Variants in PTPRD observed in about 807,000 individuals in gnomAD.
PTPRD encodes protein tyrosine phosphatase receptor type D.
Under a neutral mutation model 214.5 loss-of-function variants are expected in PTPRD, and 34 were observed. The observed-to-expected ratio is 0.16, with a 90% confidence interval of 0.12 to 0.21. PTPRD has a LOEUF of 0.21. Among genes scored for constraint, PTPRD ranks in the 10% least tolerant of loss-of-function variants. PTPRD has a pLI of 1.00. For synonymous variants in PTPRD, 1,128 were observed against 845.7 expected, an observed-to-expected ratio of 1.33 and a Z score of -5.79; for missense variants, 2,545 against 2,398.7, an observed-to-expected ratio of 1.06 and a Z score of -1.27.
chr9:10,064,020 G>T (rs936694958), intron 3 of PTPRD, among the ~76,000 whole-genome samples: 1 of 148,330 alleles, frequency 6.7e-6, no homozygotes, highest in Non-Finnish European at 1.5e-5. Flanking sequence ...TATATTTTCT[G>T]TTTTTTTTTC....
At chr9:10,165,726 G>A (rs1413432036) in intron 3 of PTPRD, among the ~76,000 whole-genome samples, 1 of 151,282 alleles carries the variant, frequency 6.6e-6, no homozygotes, top group Non-Finnish European at 1.5e-5. Context: ...TTATTACAGA[G>A]CCAAACATTT....
At chr9:8,337,022 C>G (rs372950729) in intron 43 of PTPRD, among the ~76,000 whole-genome samples, 141 of 148,024 alleles carry the variant, frequency 9.5e-4, no homozygotes, top group East Asian at 5.0e-3. Context: ...AGTTAAACCA[C>G]TGTGGAAGAC....
At chr9:8,787,290 T>C (rs749755128) in intron 11 of PTPRD, among the ~76,000 whole-genome samples, 10 of 152,256 alleles carry the variant, frequency 6.6e-5, no homozygotes, top group Non-Finnish European at 1.3e-4. Flanking sequence ...ACTCAGCTTC[T>C]AGTTACTCTA....
At chr9:9,922,855 A>G (rs1290348178) in intron 5 of PTPRD, among the ~76,000 whole-genome samples, 1 of 152,066 alleles carries the variant, frequency 6.6e-6, no homozygotes, top group East Asian at 1.9e-4. Flanking sequence ...AAGAGATATG[A>G]CAACTAATTG....
At chr9:8,648,125 C>T (rs1596024208) in intron 12 of PTPRD, among the ~76,000 whole-genome samples, 1 of 152,152 alleles carries the variant, frequency 6.6e-6, no homozygotes, top group Non-Finnish European at 1.5e-5. Context: ...TGGGTCAGAG[C>T]AGAAAAGTGG....
At chr9:9,481,451 G>C (rs776987237) in intron 8 of PTPRD, among the ~76,000 whole-genome samples, 1 of 152,110 alleles carries the variant, frequency 6.6e-6, no homozygotes, top group African/African-American at 2.4e-5. Context: ...GCTCAGCAGG[G>C]CTGATTTACC....
In PTPRD at chr9:9,017,703, G is replaced by A. The variant is rs146870001; in HGVS notation, c.-104+994C>T. On this transcript the variant is annotated intron_variant, in intron 11 of 45. Transcript: ENST00000381196. ...ATAAAACAAGGTTCTCAGAAACATC[G>A]AATAATTGCATGATGACTAGAATTT... 5.9e-3 allele frequency among the ~76,000 whole-genome samples: 903 copies of A among 152,106 alleles called. 5 individuals carry two copies. The highest frequency in any genetic ancestry group is 0.02 in the African/African-American group (823 of 41,514).
chr9:9,677,578 A>G (rs2096961144), intron 7 of PTPRD, among the ~76,000 whole-genome samples: 1 of 152,100 alleles, frequency 6.6e-6, no homozygotes, highest in Admixed American at 6.6e-5. Context: ...TCAAAATAAT[A>G]AGAGCTATCT....
intron 14 of PTPRD, among the ~76,000 whole-genome samples, chr9:8,606,041 A>G (rs899369735): frequency 2.0e-5 from 3 of 152,094 alleles, no homozygotes; most frequent in Admixed American, 2.0e-4. Flanking sequence ...AAGGATCCTT[A>G]TTTCATTCCA....
intron 4 of PTPRD, among the ~76,000 whole-genome samples, chr9:9,970,319 A>C (rs7857112): frequency 6.6e-6 from 1 of 150,984 alleles, no homozygotes; most frequent in South Asian, 2.1e-4. Flanking sequence ...GCGTGGTGGC[A>C]GGCACCTGTA....
intron 8 of PTPRD, among the ~76,000 whole-genome samples, chr9:9,500,625 A>G (rs1297918000): frequency 6.6e-6 from 1 of 152,126 alleles, no homozygotes; most frequent in Non-Finnish European, 1.5e-5. Flanking sequence ...GTACTAAAGA[A>G]ATATTAAAGG....
chr9:10,421,243 G>T (rs2098542924), intron 2 of PTPRD, among the ~76,000 whole-genome samples: 1 of 151,704 alleles, frequency 6.6e-6, no homozygotes, highest in Admixed American at 6.6e-5. Context: ...TCCCTAGCTA[G>T]GTGCACATGC....
At chr9:8,577,623 C>G (rs901532218) in intron 14 of PTPRD, among the ~76,000 whole-genome samples, 3 of 152,194 alleles carry the variant, frequency 2.0e-5, no homozygotes, top group African/African-American at 4.8e-5. Context: ...AATCCTACCT[C>G]CTTTTGAAAG....
rs148038794 is a variant in PTPRD, at chr9:10,522,706, G to T, written c.-600+89692C>A. The stretch of plus-strand genomic sequence containing the variant: ...ACTTTATTTTCAATATGATGATACA[G>T]GTTCAAGAATAATTTCAGTTTTCAG... On this transcript the variant is annotated intron_variant, in intron 2 of 45. Coordinates refer to ENST00000381196, the MANE Select transcript of PTPRD (RefSeq NM_002839.4). Among the ~76,000 whole-genome samples, 657 of 151,986 alleles carry T rather than the reference G, an allele frequency of 4.3e-3. 2 individuals are homozygous for T. The highest frequency in any genetic ancestry group is 0.014 in the African/African-American group (594 of 41,476).
intron 7 of PTPRD, among the ~76,000 whole-genome samples, chr9:9,709,723 AT>A (rs1432531638): frequency 1.3e-5 from 2 of 151,990 alleles, no homozygotes; most frequent in African/African-American, 4.8e-5. Context: ...AAAGGGGCAA[AT>A]TTTTATAGTA....
chr9:10,294,125 G>C (rs748225978), intron 3 of PTPRD, among the ~76,000 whole-genome samples: 3 of 151,822 alleles, frequency 2.0e-5, no homozygotes, highest in Non-Finnish European at 4.4e-5. Context: ...ATTGGAAATT[G>C]GCAATATCTC....
chr9:8,470,652 C>T (rs1211404918), intron 31 of PTPRD, among the ~76,000 whole-genome samples: 3 of 152,076 alleles, frequency 2.0e-5, no homozygotes, highest in Non-Finnish European at 4.4e-5. Context: ...TGAAGGGGAC[C>T]TTGGGATTTA....
intron 4 of PTPRD, among the ~76,000 whole-genome samples, chr9:9,974,430 C>T (rs2095276396): frequency 6.6e-6 from 1 of 152,134 alleles, no homozygotes. Flanking sequence ...AGTAAAATAT[C>T]GTATTTTGTC....
At chr9:9,729,399 G>T (rs2098145965) in intron 7 of PTPRD, among the ~76,000 whole-genome samples, 1 of 152,062 alleles carries the variant, frequency 6.6e-6, no homozygotes, top group Admixed American at 6.6e-5. Context: ...GCACAGAAGT[G>T]ATATACTTTA....
Sources: allele counts gnomAD v4.1 joint callset (sites outside exome capture counted in the v4.1 genomes callset), GRCh38; gene constraint gnomAD v4.1.1; transcripts MANE v1.5; gene names NCBI Gene and HGNC (gene_info 2026-07-23, HGNC 2026-07-21).